Variants in KHDRBS2 observed in about 807,000 individuals in gnomAD.
KHDRBS2 encodes the protein KH domain-containing, RNA-binding, signal transduction-associated protein 2.
In KHDRBS2, 26 loss-of-function variants were observed where a neutral mutation model predicts 44.3. The ratio of observed to expected loss-of-function variants is 0.59; its 90% CI spans 0.43 to 0.81. The LOEUF is 0.81. KHDRBS2 is among the 40% of genes least tolerant of loss of function. The pLI, the probability that KHDRBS2 is intolerant of heterozygous loss-of-function variation, is 0.00. For synonymous variants in KHDRBS2, 194 were observed against 151.1 expected, an observed-to-expected ratio of 1.28 and a Z score of -2.08; for missense variants, 476 against 433.1, an observed-to-expected ratio of 1.10 and a Z score of -0.88.
chr6:61,795,539 T>TA (rs1365282901), intron 6 of KHDRBS2, among the ~76,000 whole-genome samples: 7 of 152,272 alleles, frequency 4.6e-5, no homozygotes, highest in Non-Finnish European at 4.4e-5. Flanking sequence ...AAATTATATT[T>TA]AAAAAAATCA....
intron 2 of KHDRBS2, among the ~76,000 whole-genome samples, chr6:62,057,187 C>T (rs1436598012): frequency 6.6e-6 from 1 of 151,844 alleles, no homozygotes; most frequent in Non-Finnish European, 1.5e-5. Context: ...GTACAATCTA[C>T]CATTTGCTCT....
chr6:61,645,475 TTTAAAAAC>T, the KHDRBS2 span, among the ~76,000 whole-genome samples: 1 of 148,454 alleles, frequency 6.7e-6, no homozygotes, highest in African/African-American at 2.5e-5. Flanking sequence ...AAAAAAAAAA[TTTAAAAAC>T]AAAAACATAA....
chr6:61,831,926 A>T (rs73476678), intron 6 of KHDRBS2, among the ~76,000 whole-genome samples: 2,268 of 152,288 alleles, frequency 0.015, 61 homozygotes, highest in African/African-American at 0.052. Flanking sequence ...TGAGGTGAAG[A>T]TATTTGTACA....
the KHDRBS2 span, among the ~76,000 whole-genome samples, chr6:61,594,324 G>C: frequency 6.6e-6 from 1 of 152,058 alleles, no homozygotes; most frequent in African/African-American, 2.4e-5. Flanking sequence ...TTGATGCTAG[G>C]TTGGTAATTT....
intron 2 of KHDRBS2, among the ~76,000 whole-genome samples, chr6:62,114,908 TCTCA>T (rs1041844779): frequency 4.1e-4 from 62 of 152,112 alleles, no homozygotes; most frequent in African/African-American, 1.4e-3. Flanking sequence ...GGAAAAAAAC[TCTCA>T]CTATTGAGAA....
intron 6 of KHDRBS2, among the ~76,000 whole-genome samples, chr6:61,820,694 T>C (rs958245583): frequency 6.6e-6 from 1 of 152,024 alleles, no homozygotes; most frequent in African/African-American, 2.4e-5. Context: ...CCTGTTTTAA[T>C]GTAAATTTGC....
intron 1 of KHDRBS2, among the ~76,000 whole-genome samples, chr6:62,216,180 A>G (rs1829948528): frequency 6.6e-6 from 1 of 151,732 alleles, no homozygotes; most frequent in Non-Finnish European, 1.5e-5. Flanking sequence ...TAGATTTTAC[A>G]TTTAAATTCC....
At chr6:62,128,321 G>A (rs926649495) in intron 2 of KHDRBS2, among the ~76,000 whole-genome samples, 2 of 152,030 alleles carry the variant, frequency 1.3e-5, no homozygotes, top group African/African-American at 2.4e-5. Context: ...GAGTTCCTGT[G>A]ATTGGATATT....
intron 6 of KHDRBS2, chr6:61,816,856 T>C: frequency 2.4e-6 from 1 of 425,352 alleles, no homozygotes; most frequent in South Asian, 1.7e-5. Context: ...CTTAAATCTA[T>C]GAGTGTTGTC....
chr6:61,716,847 AG>A (rs1771520534), intron 7 of KHDRBS2, among the ~76,000 whole-genome samples: 1 of 152,062 alleles, frequency 6.6e-6, no homozygotes, highest in South Asian at 2.1e-4. Flanking sequence ...GCAACACATC[AG>A]GTTCTTTCAG....
chr6:62,189,052 T>C (rs1185874011), intron 1 of KHDRBS2, among the ~76,000 whole-genome samples: 1 of 151,930 alleles, frequency 6.6e-6, no homozygotes, highest in East Asian at 1.9e-4. Context: ...GAGGTGGAGG[T>C]TGCCGTGAGC....
At chr6:61,544,103 G>T in the KHDRBS2 span, among the ~76,000 whole-genome samples, 1 of 151,930 alleles carries the variant, frequency 6.6e-6, no homozygotes, top group African/African-American at 2.4e-5. Flanking sequence ...ATAACTAAAA[G>T]AATATAATTG....
At chr6:62,107,015 C>G (rs1472077205) in intron 2 of KHDRBS2, among the ~76,000 whole-genome samples, 4 of 152,090 alleles carry the variant, frequency 2.6e-5, no homozygotes, top group Admixed American at 2.6e-4. Flanking sequence ...TGGAAACACT[C>G]CCTTTGAAAA....
intron 3 of KHDRBS2, among the ~76,000 whole-genome samples, chr6:62,045,562 G>A (rs1319593170): frequency 2.0e-5 from 3 of 152,028 alleles, no homozygotes; most frequent in Non-Finnish European, 4.4e-5. Flanking sequence ...CCATTGGAAT[G>A]TAAACTCTAA....
At chr6:62,118,948 C>T (rs572855563) in intron 2 of KHDRBS2, among the ~76,000 whole-genome samples, 2 of 152,112 alleles carry the variant, frequency 1.3e-5, no homozygotes, top group Non-Finnish European at 2.9e-5. Flanking sequence ...GGGAATTTCA[C>T]CTTGTGGTCA....
intron 2 of KHDRBS2, among the ~76,000 whole-genome samples, chr6:62,117,312 A>T (rs532269876): frequency 7.2e-5 from 11 of 151,986 alleles, no homozygotes; most frequent in Non-Finnish European, 1.2e-4. Context: ...GGGTGAGATG[A>T]TATTTCATTG....
At chr6:62,157,152 G>A (rs954942500) in intron 2 of KHDRBS2, among the ~76,000 whole-genome samples, 2 of 151,100 alleles carry the variant, frequency 1.3e-5, no homozygotes, top group African/African-American at 4.9e-5. Context: ...TCAAGTGATC[G>A]AGACCATCCT....
At chr6:61,849,026 T>G (rs1473186498) in intron 6 of KHDRBS2, among the ~76,000 whole-genome samples, 1 of 152,054 alleles carries the variant, frequency 6.6e-6, no homozygotes, top group African/African-American at 2.4e-5. Flanking sequence ...ACCCAAAGTT[T>G]TTCTAGAGAT....
intron 3 of KHDRBS2, among the ~76,000 whole-genome samples, chr6:61,993,258 A>G (rs1284523864): frequency 6.6e-6 from 1 of 152,044 alleles, no homozygotes; most frequent in African/African-American, 2.4e-5. Context: ...ACTTTTCCCT[A>G]CTAGCCATGA....
Sources: allele counts gnomAD v4.1 joint callset (sites outside exome capture counted in the v4.1 genomes callset), GRCh38; gene constraint gnomAD v4.1.1; transcripts MANE v1.5; gene names NCBI Gene and HGNC (gene_info 2026-07-23, HGNC 2026-07-21).